The following PCDH7 variants were observed in gnomAD, a reference collection of about 807,000 sequenced individuals.
The protein encoded by PCDH7 is protocadherin 7.
PCDH7 carries 17 observed loss-of-function variants against 58.9 expected under a neutral mutation model. The observed-to-expected ratio is 0.29, with a 90% CI of 0.20 to 0.43. PCDH7 has a LOEUF of 0.43. PCDH7 is among the 20% of genes least tolerant of loss of function. The probability of loss-of-function intolerance (pLI) is 1.00; values close to 1 mark genes in which losing one functional copy is unlikely to be tolerated. For synonymous variants in PCDH7, 664 were observed against 616.4 expected, an observed-to-expected ratio of 1.08 and a Z score of -1.14; for missense variants, 1,274 against 1,441.0, an observed-to-expected ratio of 0.88 and a Z score of 1.88.
At chr4:31,097,777 C>T (rs1398507574) in intron 3 of PCDH7, among the ~76,000 whole-genome samples, 2 of 151,160 alleles carry the variant, frequency 1.3e-5, no homozygotes, top group Non-Finnish European at 3.0e-5. Context: ...GCTAGCTCTG[C>T]CTTTTTATAT....
intron 2 of PCDH7, among the ~76,000 whole-genome samples, chr4:30,948,694 T>C (rs990890002): frequency 6.6e-6 from 1 of 152,200 alleles, no homozygotes; most frequent in African/African-American, 2.4e-5. Context: ...TCAGAGGGCC[T>C]AGATGCTACA....
intron 1 of PCDH7, chr4:30,725,413 T>C (rs1487634289): frequency 3.0e-6 from 1 of 328,328 alleles, no homozygotes; most frequent in Non-Finnish European, 4.4e-6. Flanking sequence ...TATGATATAT[T>C]GAGAATGTAA....
At chr4:30,755,283 A>G (rs1258975489) in intron 1 of PCDH7, among the ~76,000 whole-genome samples, 1 of 152,206 alleles carries the variant, frequency 6.6e-6, no homozygotes, top group African/African-American at 2.4e-5. Context: ...ATGAATAAGT[A>G]TGGTGCTCTC....
intron 3 of PCDH7, among the ~76,000 whole-genome samples, chr4:31,082,303 A>G (rs962025786): frequency 6.6e-6 from 1 of 152,230 alleles, no homozygotes; most frequent in African/African-American, 2.4e-5. Context: ...CAACAACCTT[A>G]AGACTAGTGT....
intron 1 of PCDH7, among the ~76,000 whole-genome samples, chr4:30,824,914 G>A (rs1406679771): frequency 6.6e-6 from 1 of 152,150 alleles, no homozygotes; most frequent in Non-Finnish European, 1.5e-5. Flanking sequence ...CAGTGGCACA[G>A]AGGCTGGAGT....
At chr4:30,866,097 G>C (rs2109358176) in intron 1 of PCDH7, among the ~76,000 whole-genome samples, 1 of 152,130 alleles carries the variant, frequency 6.6e-6, no homozygotes, top group Middle Eastern at 3.4e-3. Context: ...CTTATTACCT[G>C]ATAGTCTTGA....
intron 3 of PCDH7, among the ~76,000 whole-genome samples, chr4:31,080,823 T>C (rs1759438057): frequency 1.3e-5 from 2 of 152,276 alleles, no homozygotes; most frequent in South Asian, 4.1e-4. Flanking sequence ...CCATGTGTTG[T>C]GGGAGGGGCC....
intron 3 of PCDH7, among the ~76,000 whole-genome samples, chr4:31,091,314 G>A (rs2109284868): frequency 6.6e-6 from 1 of 151,842 alleles, no homozygotes; most frequent in Non-Finnish European, 1.5e-5. Context: ...CTTCTTACCT[G>A]TAAAAGATAT....
At chr4:30,821,958 C>T (rs936055896) in intron 1 of PCDH7, among the ~76,000 whole-genome samples, 11 of 152,114 alleles carry the variant, frequency 7.2e-5, no homozygotes, top group African/African-American at 2.7e-4. Context: ...CCTCGATGCT[C>T]AGTTTTTATT....
At chr4:31,061,530 C>G (rs1192514829) in intron 3 of PCDH7, among the ~76,000 whole-genome samples, 2 of 143,690 alleles carry the variant, frequency 1.4e-5, no homozygotes, top group Non-Finnish European at 1.5e-5. Context: ...CATTATAAAA[C>G]TTTTCTGGAC....
At chr4:31,144,448 C>T (rs750895825), downstream of PCDH7, 14 of 152,080 alleles carry the variant, frequency 9.2e-5, no homozygotes, top group South Asian at 2.1e-4. Context: ...GACATTCAGA[C>T]GAAAGTGACA....
rs1433086921 is a variant in PCDH7 at position 30,896,481 on chromosome 4, T to C, written c.71-23672T>C. Among the ~76,000 whole-genome samples, 4 of 152,118 alleles carry C rather than the reference T, an allele frequency of 2.6e-5. No individual in the cohort carries two copies. In the South Asian group the frequency reaches 8.3e-4, roughly 32 times the overall value. On this transcript the variant is annotated intron_variant, in intron 1 of 3. Transcript: ENST00000509759. ...TTGCATTTTTATAAAAGTTATAAAG[T>C]ATCTTATACTTTGAATATACAGTAC...
chr4:31,088,312 A>G (rs1485579222), intron 3 of PCDH7, among the ~76,000 whole-genome samples: 1 of 152,170 alleles, frequency 6.6e-6, no homozygotes, highest in Non-Finnish European at 1.5e-5. Context: ...GGAGATGTAT[A>G]TGACTTTAGG....
In PCDH7 at chr4:30,869,955, G is replaced by C. The variant is rs562612501; in HGVS notation, c.71-50198G>C. ...TCCTCTCCAGCATATGTTGTTTTCT[G>C]ATTTTTTAACGATCGCCATTCTAAC... is the stretch of plus-strand genomic sequence containing the variant. On this transcript the variant is annotated intron_variant, in intron 1 of 3. Coordinates refer to the PCDH7 transcript ENST00000509759. Among the ~76,000 whole-genome samples, 22 of 152,150 alleles carry C rather than the reference G, an allele frequency of 1.4e-4. No homozygotes were observed. In the East Asian group the frequency reaches 4.3e-3, roughly 29 times the overall value.
intron 3 of PCDH7, among the ~76,000 whole-genome samples, chr4:30,962,533 T>A (rs1488165729): frequency 1.3e-5 from 2 of 152,010 alleles, no homozygotes; most frequent in Non-Finnish European, 2.9e-5. Context: ...GTGTTTATAA[T>A]CCCAGCATTT....
intron 3 of PCDH7, among the ~76,000 whole-genome samples, chr4:31,082,839 G>C (rs371203783): frequency 4.5e-4 from 69 of 152,186 alleles, no homozygotes; most frequent in Middle Eastern, 6.8e-3. Flanking sequence ...CGGTGGCTCA[G>C]GCCTGTAATC....
intron 1 of PCDH7, among the ~76,000 whole-genome samples, chr4:30,766,455 T>TAAAG (rs1720760652): frequency 6.6e-6 from 1 of 152,176 alleles, no homozygotes; most frequent in African/African-American, 2.4e-5. Context: ...GAAAAGTGAT[T>TAAAG]TGATCTAACA....
chr4:31,097,588 A>ATG (rs1714215192), intron 3 of PCDH7, among the ~76,000 whole-genome samples: 1 of 5,626 alleles, frequency 1.8e-4, no homozygotes, highest in Non-Finnish European at 2.9e-4. Context: ...CCAAATATAC[A>ATG]TATATATATA....
intron 1 of PCDH7, among the ~76,000 whole-genome samples, chr4:30,799,906 T>A (rs945174441): frequency 4.0e-5 from 6 of 151,506 alleles, no homozygotes; most frequent in African/African-American, 1.2e-4. Context: ...CAGGCTGGAG[T>A]GCAATGGCGC....
Sources: allele counts gnomAD v4.1 joint callset (sites outside exome capture counted in the v4.1 genomes callset), GRCh38; gene constraint gnomAD v4.1.1; transcripts MANE v1.5; gene names NCBI Gene and HGNC (gene_info 2026-07-23, HGNC 2026-07-21).